C3orf70: variants seen among roughly 807,000 people sequenced by gnomAD.
C3orf70 encodes chromosome 3 open reading frame 70.
Under a neutral mutation model 20.7 loss-of-function variants are expected in C3orf70, and 15 were observed. The observed-to-expected ratio is 0.72, with a 90% CI of 0.48 to 1.11. C3orf70 has a LOEUF of 1.11. Ranked by LOEUF, C3orf70 falls within the 50% of genes most tolerant of loss-of-function variation. The pLI is 0.00. For missense variants in C3orf70, 332 were observed against 317.6 expected, an observed-to-expected ratio of 1.05 and a Z score of -0.34; for synonymous variants, 161 against 125.7, an observed-to-expected ratio of 1.28 and a Z score of -1.88.
chr3:185,083,736 TATA>T (rs1206379728), intron 1 of C3orf70, among the ~76,000 whole-genome samples, 173 bp from the exon 2 acceptor site: 1 of 152,248 alleles, frequency 6.6e-6, no homozygotes, highest in Non-Finnish European at 1.5e-5. Context: ...CAGCATGGTA[TATA>T]ATAATTTTCA....
At chr3:185,116,590 T>C (rs7636069) in intron 1 of C3orf70, among the ~76,000 whole-genome samples, 7,905 of 152,222 alleles carry the variant, frequency 0.052, 670 homozygotes, top group African/African-American at 0.18. Flanking sequence ...ACCAAAAATG[T>C]TTCCAGGCAT....
chr3:185,139,383 T>A (rs184037246), intron 1 of C3orf70, among the ~76,000 whole-genome samples: 3 of 151,506 alleles, frequency 2.0e-5, no homozygotes, highest in East Asian at 3.9e-4. Flanking sequence ...TGAAACCCCA[T>A]CTCTACTAAA....
At chr3:185,103,100 C>T (rs1292772247) in intron 1 of C3orf70, among the ~76,000 whole-genome samples, 3 of 152,018 alleles carry the variant, frequency 2.0e-5, no homozygotes, top group Non-Finnish European at 4.4e-5. Context: ...CAAAAATTAG[C>T]CAGGCGTGGT....
At chr3:185,091,518 G>GAGTT (rs1210082536) in intron 1 of C3orf70, among the ~76,000 whole-genome samples, 4 of 152,014 alleles carry the variant, frequency 2.6e-5, no homozygotes, top group African/African-American at 9.7e-5. Context: ...GAAGAGATGG[G>GAGTT]AGTTAAGAGG....
intron 1 of C3orf70, among the ~76,000 whole-genome samples, chr3:185,150,001 A>C (rs1716956126): frequency 6.6e-6 from 1 of 152,218 alleles, no homozygotes; most frequent in Non-Finnish European, 1.5e-5. Context: ...TTACCAGATT[A>C]ACCTAATTTC....
At chr3:185,137,680 A>G (rs535141631) in intron 1 of C3orf70, among the ~76,000 whole-genome samples, 1 of 152,334 alleles carries the variant, frequency 6.6e-6, no homozygotes, top group South Asian at 2.1e-4. Context: ...AGGGAAATCA[A>G]AAGTTACATG....
At chr3:185,127,551 T>A (rs1020146415) in intron 1 of C3orf70, among the ~76,000 whole-genome samples, 5 of 152,160 alleles carry the variant, frequency 3.3e-5, no homozygotes, top group Non-Finnish European at 2.9e-5. Context: ...GCGATTCTCT[T>A]GCCTTGGCCT....
intron 1 of C3orf70, among the ~76,000 whole-genome samples, chr3:185,106,302 A>C (rs1715938455): frequency 6.6e-6 from 1 of 152,198 alleles, no homozygotes; most frequent in African/African-American, 2.4e-5. Flanking sequence ...AGTTGATTAC[A>C]TCAAGGCCTG....
intron 1 of C3orf70, among the ~76,000 whole-genome samples, chr3:185,146,845 G>A (rs1196496892): frequency 6.6e-6 from 1 of 152,188 alleles, no homozygotes; most frequent in Non-Finnish European, 1.5e-5. Context: ...AAATCACAAT[G>A]CTAATTTACT....
chr3:185,081,825 C>T lies in C3orf70; in HGVS notation c.*1182G>A, dbSNP rs1407456046. On this transcript the variant is annotated 3_prime_UTR_variant, in exon 2 of 2. Coordinates refer to ENST00000335012, the MANE Select transcript of C3orf70 (RefSeq NM_001025266.3). ...ACTTAGCAGCAAACTATTTCAACTGCTTTTGCAGCTGCATAAAAATCCATG... is the reference window on the plus strand; with the variant it reads ...ACTTAGCAGCAAACTATTTCAACTGTTTTTGCAGCTGCATAAAAATCCATG... The T allele has an allele frequency of 6.6e-6, 1 of 152,630 alleles. No individual in the cohort carries two copies. 9.5% of individuals were successfully genotyped at this position (152,630 alleles called of 1,614,324 possible). A position where few individuals can be genotyped will look rare whatever the true frequency, so the allele number is the denominator to read the frequency against.
rs527723891 is a variant in C3orf70 at position 185,077,792 on chromosome 3, G to A, written c.*5215C>T. On this transcript the variant is annotated 3_prime_UTR_variant, in exon 2 of 2. Transcript: ENST00000335012. ...AATAAATGCTATTTGGTGGTGGTGG[G>A]GGGGGGGTATCAAGTTTTATTTGCT... Among the ~76,000 whole-genome samples, 1 of 150,522 alleles carries A rather than the reference G, an allele frequency of 6.6e-6. No homozygotes were observed. The highest frequency in any genetic ancestry group is 6.6e-5 in the Admixed American group (1 of 15,066).
intron 1 of C3orf70, among the ~76,000 whole-genome samples, chr3:185,124,918 T>G (rs1716376265): frequency 6.6e-6 from 1 of 152,192 alleles, no homozygotes; most frequent in Non-Finnish European, 1.5e-5. Flanking sequence ...ATGTCCAACA[T>G]CATTACGTTA....
chr3:185,126,276 T>A (rs753059954), intron 1 of C3orf70, among the ~76,000 whole-genome samples: 41 of 152,200 alleles, frequency 2.7e-4, no homozygotes, highest in Non-Finnish European at 5.9e-4. Context: ...AGGCTGCCAA[T>A]GTCTTTGTAT....
intron 1 of C3orf70, among the ~76,000 whole-genome samples, chr3:185,085,922 G>C (rs886319326): frequency 1.3e-5 from 2 of 152,146 alleles, no homozygotes; most frequent in Non-Finnish European, 1.5e-5. Flanking sequence ...TGAAGGTTTC[G>C]TCTTTTTCAT....
At chr3:185,088,601 G>A (rs1339936551) in intron 1 of C3orf70, among the ~76,000 whole-genome samples, 2 of 152,046 alleles carry the variant, frequency 1.3e-5, no homozygotes, top group East Asian at 1.9e-4. Flanking sequence ...CCCTTTTTTG[G>A]TGTATTGTAT....
At chr3:185,098,644 TATCATA>T (rs1426665080) in intron 1 of C3orf70, among the ~76,000 whole-genome samples, 2 of 152,376 alleles carry the variant, frequency 1.3e-5, no homozygotes, top group African/African-American at 4.8e-5. Flanking sequence ...TGTATTCATA[TATCATA>T]CTGTCTGAGA....
intron 1 of C3orf70, among the ~76,000 whole-genome samples, chr3:185,103,288 T>C (rs1463145242): frequency 1.3e-5 from 2 of 151,996 alleles, no homozygotes; most frequent in Non-Finnish European, 2.9e-5. Context: ...ATTCTGGACA[T>C]AGGAACGGGC....
intron 1 of C3orf70, among the ~76,000 whole-genome samples, chr3:185,110,556 C>CCA (rs780625752): frequency 4.2e-4 from 64 of 151,978 alleles, no homozygotes; most frequent in African/African-American, 1.2e-3. Context: ...GGCCCCCCCT[C>CCA]AAAATCTGGC....
At chr3:185,148,697 T>C (rs1716924841) in intron 1 of C3orf70, among the ~76,000 whole-genome samples, 1 of 152,210 alleles carries the variant, frequency 6.6e-6, no homozygotes, top group South Asian at 2.1e-4. Context: ...TGGGAAAAAT[T>C]AAGTTACACA....
Sources: allele counts gnomAD v4.1 joint callset (sites outside exome capture counted in the v4.1 genomes callset), GRCh38; gene constraint gnomAD v4.1.1; transcripts MANE v1.5; gene names NCBI Gene and HGNC (gene_info 2026-07-23, HGNC 2026-07-21).